The following ATRNL1 variants were observed in gnomAD, a reference collection of about 807,000 sequenced individuals.
The protein encoded by ATRNL1 is attractin like 1, also known as attractin-like protein 1.
In ATRNL1, 95 loss-of-function variants were observed where a neutral mutation model predicts 182.7. The observed-to-expected ratio is 0.52, with a 90% CI of 0.44 to 0.62. The LOEUF (loss-of-function observed/expected upper bound fraction) is 0.62, where lower values mean the gene tolerates loss of function less well. Among genes scored for constraint, ATRNL1 ranks in the 20% least tolerant of loss-of-function variants. The probability of loss-of-function intolerance (pLI) is 0.00; values close to 1 mark genes in which losing one functional copy is unlikely to be tolerated. For synonymous variants in ATRNL1, 576 were observed against 568.3 expected, an observed-to-expected ratio of 1.01 and a Z score of -0.19; for missense variants, 1,471 against 1,679.5, an observed-to-expected ratio of 0.88 and a Z score of 2.17.
chr10:115,374,426 A>ATTCTCC (rs556545354), intron 19 of ATRNL1, among the ~76,000 whole-genome samples: 1,596 of 137,894 alleles, frequency 0.012, 24 homozygotes, highest in Non-Finnish European at 0.017. Flanking sequence ...TTTCCTTCTC[A>ATTCTCC]TTCTCCTTCT....
intron 26 of ATRNL1, among the ~76,000 whole-genome samples, chr10:115,649,349 G>A (rs535455402): frequency 7.2e-5 from 11 of 152,124 alleles, no homozygotes; most frequent in South Asian, 2.1e-4. Flanking sequence ...ACTAATTAAC[G>A]TTTTATTTCC....
intron 17 of ATRNL1, among the ~76,000 whole-genome samples, chr10:115,314,028 A>C (rs1454976885): frequency 1.3e-5 from 2 of 152,192 alleles, no homozygotes; most frequent in Non-Finnish European, 2.9e-5. Flanking sequence ...GTAAATAGGA[A>C]ATGTTCAGTT....
chr10:115,277,632 T>C (rs1852162051), intron 13 of ATRNL1, among the ~76,000 whole-genome samples: 1 of 130,796 alleles, frequency 7.6e-6, no homozygotes, highest in African/African-American at 2.9e-5. Context: ...TAAATCTTTG[T>C]ATTTTTTTTT....
intron 26 of ATRNL1, among the ~76,000 whole-genome samples, chr10:115,550,994 A>G (rs557138886): frequency 1.6e-4 from 25 of 151,896 alleles, no homozygotes; most frequent in African/African-American, 2.9e-4. Flanking sequence ...GAAAATATCA[A>G]TTTGTAAGTA....
intron 28 of ATRNL1, among the ~76,000 whole-genome samples, chr10:115,893,125 GC>G: frequency 6.6e-6 from 1 of 152,282 alleles, no homozygotes; most frequent in Non-Finnish European, 1.5e-5. Context: ...AGGAACCACT[GC>G]TGACAATGCA....
In ATRNL1 at chr10:115,765,932, G is replaced by A. The variant is rs189267460; in HGVS notation, c.3903+38577G>A. On this transcript the variant is annotated intron_variant, in intron 27 of 28. Transcript: ENST00000355044. ...AATCTTTAGCTATTGCAAACAATGC[G>A]ACAGTGAATATTCTTGTCCAGCTCT... Among the ~76,000 whole-genome samples the A allele has an allele frequency of 9.2e-5, 14 of 152,016 alleles. No individual in the cohort carries two copies. In the East Asian group the frequency reaches 1.5e-3, roughly 17 times the overall value.
At chr10:115,944,628 G>A (rs781871160) in intron 28 of ATRNL1, 30 bp from the exon 29 acceptor site, 36 of 1,576,980 alleles carry the variant, frequency 2.3e-5, no homozygotes, top group Middle Eastern at 3.4e-4. Context: ...GTCTAAGCAA[G>A]CATTTAAATG....
chr10:115,826,494 G>A (rs763769414), intron 27 of ATRNL1, among the ~76,000 whole-genome samples: 10 of 152,112 alleles, frequency 6.6e-5, no homozygotes, highest in African/African-American at 1.2e-4. Context: ...ATAGTTTGGC[G>A]TATGGGAAAC....
At chr10:115,432,618 G>A (rs1392237813) in intron 21 of ATRNL1, among the ~76,000 whole-genome samples, 1 of 152,080 alleles carries the variant, frequency 6.6e-6, no homozygotes, top group Non-Finnish European at 1.5e-5. Flanking sequence ...GTCAGCAGTT[G>A]TAATCTATTT....
intron 19 of ATRNL1, among the ~76,000 whole-genome samples, chr10:115,354,321 G>T (rs1483256827): frequency 6.6e-6 from 1 of 151,984 alleles, no homozygotes; most frequent in African/African-American, 2.4e-5. Flanking sequence ...TTTACTTTCA[G>T]ATTGATAAAA....
At chr10:115,285,219 TACCATTTTTAATTTTAAA>T (rs1283805192) in intron 14 of ATRNL1, among the ~76,000 whole-genome samples, 76 of 152,226 alleles carry the variant, frequency 5.0e-4, no homozygotes, top group African/African-American at 1.5e-3. Context: ...TTGTTAAAGT[TACCATTTTTAATTTTAAA>T]ACCATTTTTA....
chr10:115,682,693 G>A (rs527368263), intron 26 of ATRNL1, among the ~76,000 whole-genome samples: 2 of 152,054 alleles, frequency 1.3e-5, no homozygotes, highest in South Asian at 4.1e-4. Context: ...TGATGATGAT[G>A]ATGATGATAG....
chr10:115,389,572 A>ATATATATATATG (rs1564990146), intron 19 of ATRNL1, among the ~76,000 whole-genome samples: 1 of 115,502 alleles, frequency 8.7e-6, no homozygotes, highest in Non-Finnish European at 1.8e-5. Context: ...ATATATATAT[A>ATATATATATATG]TATATATATA....
At chr10:115,664,745 AT>A (rs537446894) in intron 26 of ATRNL1, among the ~76,000 whole-genome samples, 6 of 151,842 alleles carry the variant, frequency 4.0e-5, no homozygotes, top group African/African-American at 1.2e-4. Context: ...AAAAATCAAT[AT>A]TTTTTTTCTC....
intron 8 of ATRNL1, among the ~76,000 whole-genome samples, chr10:115,209,242 C>A (rs969800596): frequency 7.5e-4 from 114 of 151,608 alleles, no homozygotes; most frequent in Non-Finnish European, 1.4e-3. Context: ...AAGTTTATTT[C>A]TTTCTCTTTA....
chr10:115,856,538 C>A (rs868983219), intron 28 of ATRNL1, among the ~76,000 whole-genome samples: 1 of 151,528 alleles, frequency 6.6e-6, no homozygotes, highest in African/African-American at 2.4e-5. Flanking sequence ...AGTCCCCAAC[C>A]TTTTGGCACC....
chr10:115,625,421 A>T (rs1824852405), intron 26 of ATRNL1, among the ~76,000 whole-genome samples: 1 of 152,214 alleles, frequency 6.6e-6, no homozygotes, highest in Non-Finnish European at 1.5e-5. Flanking sequence ...ATTTAATGCT[A>T]TTAATTTCTT....
intron 5 of ATRNL1, among the ~76,000 whole-genome samples, chr10:115,132,388 CAT>C (rs782433325): frequency 2.6e-5 from 4 of 152,096 alleles, no homozygotes; most frequent in Non-Finnish European, 4.4e-5. Flanking sequence ...CCGCAATAAA[CAT>C]ATGTGTGCAT....
intron 19 of ATRNL1, among the ~76,000 whole-genome samples, chr10:115,369,153 A>C (rs1857248058): frequency 6.6e-6 from 1 of 151,862 alleles, no homozygotes; most frequent in Non-Finnish European, 1.5e-5. Context: ...GCTTATTTTT[A>C]AGGCTGAATA....
Sources: gnomAD v4.1 joint callset for allele counts (sites outside exome capture counted in the v4.1 genomes callset) on GRCh38, gnomAD v4.1.1 for gene constraint, MANE v1.5 for transcripts, NCBI Gene and HGNC (gene_info 2026-07-23, HGNC 2026-07-21) for gene names.